Variants in FHIT observed in about 807,000 individuals in gnomAD.
FHIT encodes the protein bis(5'-adenosyl)-triphosphatase.
FHIT carries 19 observed loss-of-function variants against 17.9 expected under a neutral mutation model. That is an observed-to-expected ratio of 1.06 (90% CI 0.74 to 1.56). The LOEUF is 1.56. FHIT is among the 40% of genes most tolerant of loss of function. The pLI, the probability that FHIT is intolerant of heterozygous loss-of-function variation, is 0.00. For synonymous variants in FHIT, 81 were observed against 69.7 expected, an observed-to-expected ratio of 1.16 and a Z score of -0.81; for missense variants, 248 against 189.2, an observed-to-expected ratio of 1.31 and a Z score of -1.82.
At chr3:60,791,749 T>C (rs557742221) in intron 4 of FHIT, among the ~76,000 whole-genome samples, 13 of 152,318 alleles carry the variant, frequency 8.5e-5, no homozygotes, top group African/African-American at 3.1e-4. Context: ...CAACTCTGAA[T>C]AATGTGAGGG....
At chr3:61,094,548 A>G (rs892551541) in intron 2 of FHIT, among the ~76,000 whole-genome samples, 4 of 152,212 alleles carry the variant, frequency 2.6e-5, no homozygotes, top group African/African-American at 7.2e-5. Flanking sequence ...GATGCCTGAA[A>G]CCAAACAGTA....
chr3:60,249,828 G>A (rs983242339), intron 5 of FHIT, among the ~76,000 whole-genome samples: 6 of 152,040 alleles, frequency 3.9e-5, no homozygotes, highest in Admixed American at 2.6e-4. Context: ...AGATTTAGTG[G>A]ACTCACAGTT....
chr3:61,008,480 G>GA (rs551931686), intron 3 of FHIT, among the ~76,000 whole-genome samples: 174 of 145,478 alleles, frequency 1.2e-3, no homozygotes, highest in Middle Eastern at 3.5e-3. Flanking sequence ...GGGCTAGGAA[G>GA]AAAAAAAAAA....
chr3:60,124,005 T>C (rs868326081), intron 5 of FHIT, among the ~76,000 whole-genome samples: 9 of 20,918 alleles, frequency 4.3e-4, no homozygotes, highest in African/African-American at 1.8e-3. Context: ...TATATATATA[T>C]ATATAGAGAG....
rs747466647 is a variant in FHIT at position 60,006,510 on chromosome 3, G to A, written c.279+4861C>T. ...CCAAGGGCCATGATGTGGCAGGGCC[G>A]GGATTTGAACTGGGGTGGACTGGTC... is the stretch of plus-strand genomic sequence containing the variant. On this transcript the variant is annotated intron_variant, in intron 7 of 9. Transcript: ENST00000492590. Among the ~76,000 whole-genome samples the A allele has an allele frequency of 3.7e-4, 56 of 152,192 alleles. 1 individual carries two copies. Among genetic ancestry groups the A allele is most frequent in the Admixed American group, 1.3e-3 (20 of 15,276 alleles).
At chr3:59,837,214 G>T (rs1402468286) in intron 8 of FHIT, among the ~76,000 whole-genome samples, 1 of 152,040 alleles carries the variant, frequency 6.6e-6, no homozygotes, top group African/African-American at 2.4e-5. Flanking sequence ...AACCAATACA[G>T]TCATCCCTTG....
At chr3:61,037,055 G>T (rs2033290104) in intron 3 of FHIT, among the ~76,000 whole-genome samples, 2 of 151,664 alleles carry the variant, frequency 1.3e-5, no homozygotes, top group African/African-American at 4.8e-5. Flanking sequence ...GGGACTACAG[G>T]CACCCGCCAC....
At chr3:60,856,615 C>T (rs1703397601) in intron 3 of FHIT, 1 of 152,112 alleles carries the variant, frequency 6.6e-6, no homozygotes, top group Admixed American at 6.6e-5. Context: ...TCAAAGTGAT[C>T]TTTTAAAGAT....
chr3:60,069,015 G>A (rs2106961899), intron 5 of FHIT, among the ~76,000 whole-genome samples: 1 of 152,188 alleles, frequency 6.6e-6, no homozygotes, highest in East Asian at 1.9e-4. Context: ...AAAAGAATGA[G>A]TAAACTTGTA....
chr3:60,885,276 G>A (rs1253449274), intron 3 of FHIT, among the ~76,000 whole-genome samples: 12 of 152,070 alleles, frequency 7.9e-5, no homozygotes, highest in East Asian at 3.9e-4. Flanking sequence ...ATCATTGCAC[G>A]TTGTATGCAT....
intron 5 of FHIT, among the ~76,000 whole-genome samples, chr3:60,295,537 G>C (rs114791868): frequency 5.1e-4 from 77 of 152,138 alleles, no homozygotes; most frequent in African/African-American, 1.7e-3. Context: ...CTAAGAGTGA[G>C]AAGTTGCTCA....
chr3:60,526,068 A>G (rs953527415), intron 5 of FHIT, among the ~76,000 whole-genome samples: 4 of 151,990 alleles, frequency 2.6e-5, no homozygotes, highest in Non-Finnish European at 5.9e-5. Flanking sequence ...GTACCACTGC[A>G]CTATAGCTTG....
chr3:61,055,489 T>C (rs183291379), intron 2 of FHIT, among the ~76,000 whole-genome samples: 1 of 152,338 alleles, frequency 6.6e-6, no homozygotes, highest in East Asian at 1.9e-4. Context: ...TTTCACCATA[T>C]GCTATCCACT....
chr3:60,855,945 T>C (rs1176252501), intron 3 of FHIT, among the ~76,000 whole-genome samples: 1 of 151,662 alleles, frequency 6.6e-6, no homozygotes, highest in East Asian at 1.9e-4. Context: ...TGTTATGGAG[T>C]GTGAGAGTGT....
chr3:60,304,088 T>C (rs186279212), intron 5 of FHIT, among the ~76,000 whole-genome samples: 2 of 152,290 alleles, frequency 1.3e-5, no homozygotes, highest in East Asian at 1.9e-4. Flanking sequence ...CTTCTTTACG[T>C]AGACACACAG....
intron 5 of FHIT, among the ~76,000 whole-genome samples, chr3:60,411,811 G>A (rs1194937078): frequency 6.6e-6 from 1 of 152,092 alleles, no homozygotes; most frequent in Non-Finnish European, 1.5e-5. Context: ...ATATATTGGA[G>A]CTGGATCCAC....
chr3:61,178,851 A>G (rs997627378), intron 2 of FHIT, among the ~76,000 whole-genome samples: 4 of 152,014 alleles, frequency 2.6e-5, no homozygotes, highest in Admixed American at 6.6e-5. Flanking sequence ...TAATAATTCA[A>G]TGACACCAAT....
In FHIT at chr3:60,097,190, G is replaced by A. The variant is rs540030015; in HGVS notation, c.104-83038C>T. 2.2e-4 allele frequency among the ~76,000 whole-genome samples: 34 copies of A among 152,066 alleles called. No individual in the cohort carries two copies. In the South Asian group the frequency reaches 6.7e-3, roughly 30 times the overall value. ...CCAGTTATTACACCCAACTTGGACT[G>A]GCAATTTATCCCCTACAGGTAACTG... On this transcript the variant is annotated intron_variant, in intron 5 of 9. Transcript: ENST00000492590.
intron 5 of FHIT, among the ~76,000 whole-genome samples, chr3:60,328,672 G>A (rs905371465): frequency 3.3e-5 from 5 of 152,114 alleles, no homozygotes; most frequent in Non-Finnish European, 7.4e-5. Context: ...GTACAGAAAT[G>A]AAAACTTCAG....
Sources: gnomAD v4.1 joint callset for allele counts (sites outside exome capture counted in the v4.1 genomes callset) on GRCh38, gnomAD v4.1.1 for gene constraint, MANE v1.5 for transcripts, NCBI Gene and HGNC (gene_info 2026-07-23, HGNC 2026-07-21) for gene names.